The following XCR1 variants were observed in gnomAD, a reference collection of about 807,000 sequenced individuals.
XCR1 encodes X-C motif chemokine receptor 1, also known as chemokine XC receptor 1.
For missense variants in XCR1, 356 were observed against 424.2 expected, an observed-to-expected ratio of 0.84 and a Z score of 1.41; for synonymous variants, 187 against 188.5, an observed-to-expected ratio of 0.99 and a Z score of 0.06.
chr3:46,083,697 A>G (rs540186798), intron 1 of XCR1, among the ~76,000 whole-genome samples: 5 of 152,242 alleles, frequency 3.3e-5, no homozygotes, highest in Non-Finnish European at 5.9e-5. Flanking sequence ...TTTACTGACT[A>G]AGGTTGTGCT....
chr3:46,081,353 AG>A (rs1698358988), intron 1 of XCR1, among the ~76,000 whole-genome samples: 1 of 152,212 alleles, frequency 6.6e-6, no homozygotes, highest in African/African-American at 2.4e-5. Context: ...GGAAAACACC[AG>A]CTCTCTCTCT....
At position 46,065,916 on chromosome 3, in the gene XCR1, C is replaced by T. The variant is rs190461386; in HGVS notation, c.-183+983G>A. On this transcript the variant is annotated intron_variant, in intron 4 of 5. Transcript: ENST00000683768. ...GCGTCTTTGCCTGCTCCAGGGCCTCCGGAAGAGGCCACGTAGGGATGTCCC... is the reference window on the plus strand; with the variant it reads ...GCGTCTTTGCCTGCTCCAGGGCCTCTGGAAGAGGCCACGTAGGGATGTCCC... Among the ~76,000 whole-genome samples the T allele has an allele frequency of 1.6e-3, 241 of 152,294 alleles. 1 individual carries two copies. The highest frequency in any genetic ancestry group is 3.7e-3 in the Admixed American group (56 of 15,304).
At chr3:46,076,413 T>G (rs891060317) in intron 2 of XCR1, among the ~76,000 whole-genome samples, 6 of 152,076 alleles carry the variant, frequency 3.9e-5, no homozygotes, top group African/African-American at 1.2e-4. Flanking sequence ...TGGCCCCACA[T>G]TGGCTCAAGT....
At chr3:46,081,024 T>C (rs1267567114) in intron 1 of XCR1, among the ~76,000 whole-genome samples, 1 of 152,200 alleles carries the variant, frequency 6.6e-6, no homozygotes, top group Non-Finnish European at 1.5e-5. Flanking sequence ...TGTTTTCTCA[T>C]TGGGATGAAA....
chr3:46,039,632 A>T (rs1697500404), intron 5 of XCR1, among the ~76,000 whole-genome samples: 1 of 152,178 alleles, frequency 6.6e-6, no homozygotes, highest in Non-Finnish European at 1.5e-5. Flanking sequence ...TTGAGCATTA[A>T]CACCATTTGA....
chr3:46,020,869 C>A lies in XCR1; in HGVS notation c.*77G>T. 6.6e-7 allele frequency: 1 copy of A among 1,525,012 alleles called. No homozygotes were observed. The highest frequency in any genetic ancestry group is 8.8e-7 in the Non-Finnish European group (1 of 1,139,306). 94.5% of individuals were successfully genotyped at this position (1,525,012 alleles called of 1,614,324 possible). ...CACCCTGCTGTGTTCTGCAATGCTC[C>A]TTCCAGGCCCGCTTCTCCATGACCC... On this transcript the variant is annotated 3_prime_UTR_variant, in exon 2 of 2. Transcript: ENST00000309285.
chr3:46,058,913 C>A (rs980670430), intron 4 of XCR1, among the ~76,000 whole-genome samples: 1 of 152,088 alleles, frequency 6.6e-6, no homozygotes, highest in Non-Finnish European at 1.5e-5. Flanking sequence ...AAGTAATGGG[C>A]TCTTCAAAAT....
chr3:46,062,234 G>A (rs1697975937), intron 4 of XCR1, among the ~76,000 whole-genome samples: 1 of 152,190 alleles, frequency 6.6e-6, no homozygotes. Flanking sequence ...AGTCCCTGCA[G>A]CAGCCATGGA....
intron 5 of XCR1, among the ~76,000 whole-genome samples, chr3:46,048,585 G>A (rs1393553487): frequency 1.3e-5 from 2 of 152,090 alleles, no homozygotes; most frequent in Non-Finnish European, 2.9e-5. Flanking sequence ...TTATGTGGTC[G>A]CATGCACCTT....
chr3:46,025,482 A>G (rs534888512), intron 1 of XCR1, among the ~76,000 whole-genome samples: 2 of 152,342 alleles, frequency 1.3e-5, no homozygotes, highest in African/African-American at 4.8e-5. Context: ...GATTGAGAAC[A>G]AAGAGAAATA....
chr3:46,023,315 C>G (rs1211513764), intron 1 of XCR1: 25 of 962,568 alleles, frequency 2.6e-5, no homozygotes, highest in Non-Finnish European at 4.1e-5. Flanking sequence ...ATGGAAGGAC[C>G]CCTCAACCTG....
intron 1 of XCR1, among the ~76,000 whole-genome samples, chr3:46,083,460 A>C (rs1698413644): frequency 6.6e-6 from 1 of 152,240 alleles, no homozygotes; most frequent in African/African-American, 2.4e-5. Flanking sequence ...TTCTCTAGGC[A>C]TGACTGCAGA....
At chr3:46,061,037 A>G (rs754375754) in intron 4 of XCR1, among the ~76,000 whole-genome samples, 11 of 152,344 alleles carry the variant, frequency 7.2e-5, no homozygotes, top group Middle Eastern at 3.4e-3. Context: ...GTATTCTTCA[A>G]GTCCACAGAT....
upstream of XCR1, among the ~76,000 whole-genome samples, chr3:46,029,992 T>C (rs933076748): frequency 1.1e-4 from 17 of 152,348 alleles, no homozygotes; most frequent in Non-Finnish European, 2.1e-4. Flanking sequence ...TACAACTGAT[T>C]TTTATATATT....
At chr3:46,022,416 A>G (rs1708175841) in intron 1 of XCR1, 1 of 158,032 alleles carries the variant, frequency 6.3e-6, no homozygotes, top group Non-Finnish European at 1.4e-5. Context: ...TATTTTCCCC[A>G]CAAGAGATAG....
chr3:46,047,487 A>G (rs769114099), intron 5 of XCR1, among the ~76,000 whole-genome samples: 5 of 152,264 alleles, frequency 3.3e-5, no homozygotes, highest in Non-Finnish European at 7.3e-5. Context: ...TGCCAAAAAG[A>G]CATAAGGATT....
chr3:46,023,456 G>C (rs1575408393), intron 1 of XCR1: 1 of 1,532,454 alleles, frequency 6.5e-7, no homozygotes, highest in Non-Finnish European at 9.0e-7. Context: ...GAGCAGGCTC[G>C]TCTTTCACTG....
At chr3:46,043,941 A>G (rs1034124008) in intron 5 of XCR1, among the ~76,000 whole-genome samples, 11 of 152,100 alleles carry the variant, frequency 7.2e-5, no homozygotes, top group African/African-American at 2.2e-4. Context: ...CCACTTTTTT[A>G]TAGTAGCCAT....
In XCR1 at chr3:46,017,286, C is replaced by T. The variant is rs1708060269; in HGVS notation, c.*3660G>A. 1 of 152,218 alleles carries T rather than the reference C, an allele frequency of 6.6e-6. No homozygotes were observed. Among genetic ancestry groups the T allele is most frequent in the African/African-American group, 2.4e-5 (1 of 41,446 alleles). The allele number at this position is 152,218 out of a possible 1,614,324, so 9.4% of individuals were successfully genotyped here. A position where few individuals can be genotyped will look rare whatever the true frequency, so the allele number is the denominator to read the frequency against. On this transcript the variant is annotated 3_prime_UTR_variant, in exon 2 of 2. Coordinates refer to ENST00000309285, the MANE Select transcript of XCR1 (RefSeq NM_001024644.2). ...GTCATTCGACTCCACAGACAGTTTACTTTGGACATCTTTAGACCAGGTTTC... is the reference window on the plus strand; with the variant it reads ...GTCATTCGACTCCACAGACAGTTTATTTTGGACATCTTTAGACCAGGTTTC...
Sources: allele counts gnomAD v4.1 joint callset (sites outside exome capture counted in the v4.1 genomes callset), GRCh38; gene constraint gnomAD v4.1.1; transcripts MANE v1.5; gene names NCBI Gene and HGNC (gene_info 2026-07-23, HGNC 2026-07-21).